The following RAB40C variants were observed in gnomAD, a reference collection of about 807,000 sequenced individuals.
RAB40C encodes the protein ras-related protein Rab-40C.
A neutral mutation model predicts 28.1 loss-of-function variants in RAB40C; 8 were observed. The ratio of observed to expected loss-of-function variants is 0.28; its 90% CI spans 0.17 to 0.51. The LOEUF (loss-of-function observed/expected upper bound fraction) is 0.51, where lower values mean the gene tolerates loss of function less well. Among genes scored for constraint, RAB40C ranks in the 20% least tolerant of loss-of-function variants. The probability of loss-of-function intolerance (pLI) is 0.97; values close to 1 mark genes in which losing one functional copy is unlikely to be tolerated. For missense variants in RAB40C, 288 were observed against 405.9 expected (o/e 0.71, Z 2.50); for synonymous variants, 201 against 171.7 (o/e 1.17, Z -1.34).
At chr16:600,403 A>C (rs2036224129) in intron 1 of RAB40C, among the ~76,000 whole-genome samples, 1 of 152,228 alleles carries the variant, frequency 6.6e-6, no homozygotes, top group Non-Finnish European at 1.5e-5. Flanking sequence ...AAGTAATAGA[A>C]ATGGATGTCA....
intron 1 of RAB40C, among the ~76,000 whole-genome samples, chr16:591,110 T>A (rs2035986662): frequency 6.7e-6 from 1 of 148,206 alleles, no homozygotes; most frequent in South Asian, 2.2e-4. Flanking sequence ...TCTGGGATCA[T>A]CTGGGGTCCG....
chr16:624,841 G>A, intron 3 of RAB40C: 1 of 985,478 alleles, frequency 1.0e-6, no homozygotes, highest in South Asian at 4.7e-5. Flanking sequence ...GACTGTCACT[G>A]CCGAGATATT....
At chr16:602,800 G>A (rs1301439724) in intron 1 of RAB40C, among the ~76,000 whole-genome samples, 1 of 152,108 alleles carries the variant, frequency 6.6e-6, no homozygotes, top group African/African-American at 2.4e-5. Context: ...GAACTCCTGG[G>A]CTCAAGTGAT....
At chr16:592,660 C>T (rs1485774441) in intron 1 of RAB40C, among the ~76,000 whole-genome samples, 1 of 152,226 alleles carries the variant, frequency 6.6e-6, no homozygotes, top group African/African-American at 2.4e-5. Flanking sequence ...AGGGGCGCTG[C>T]GCACTCCCAG....
At chr16:594,049 G>A (rs1412889143) in intron 1 of RAB40C, among the ~76,000 whole-genome samples, 4 of 152,166 alleles carry the variant, frequency 2.6e-5, no homozygotes, top group African/African-American at 7.2e-5. Flanking sequence ...GGAACCACCC[G>A]CACAGGGTGC....
At chr16:598,927 G>A (rs550807264) in intron 1 of RAB40C, among the ~76,000 whole-genome samples, 1 of 152,336 alleles carries the variant, frequency 6.6e-6, no homozygotes, top group East Asian at 1.9e-4. Flanking sequence ...TAACCCGGTG[G>A]GAGCCTGTGT....
chr16:614,035 A>G lies in RAB40C; in HGVS notation c.143-3173A>G, dbSNP rs369049465. The stretch of plus-strand genomic sequence containing the variant: ...TCCAGATGGTGAACTGCCTAACTCT[A>G]CCGCGTCCCGATGGTGAACTGCTAA... On this transcript the variant is annotated intron_variant, in intron 1 of 5. Coordinates refer to ENST00000248139, the MANE Select transcript of RAB40C (RefSeq NM_021168.5). Among the ~76,000 whole-genome samples, 61 of 152,108 alleles carry G rather than the reference A, an allele frequency of 4.0e-4. No individual in the cohort carries two copies. In the East Asian group the frequency reaches 0.011, roughly 27 times the overall value.
chr16:623,501 A>G lies in RAB40C; in HGVS notation c.265-1931A>G, dbSNP rs886485194. Among the ~76,000 whole-genome samples the G allele has an allele frequency of 2.0e-5, 3 of 152,104 alleles. No homozygotes were observed. The South Asian group carries it at 6.2e-4, about 32-fold the overall frequency. ...TGTCTCTACTAAAAAAAAATACAAA[A>G]AAATTAGCCGGGCATGGTGGCGGGC... is the stretch of plus-strand genomic sequence containing the variant. On this transcript the variant is annotated intron_variant, in intron 3 of 5. Transcript: ENST00000248139.
chr16:602,673 T>C (rs2151065235), intron 1 of RAB40C, among the ~76,000 whole-genome samples: 1 of 152,250 alleles, frequency 6.6e-6, no homozygotes, highest in East Asian at 1.9e-4. Flanking sequence ...CCTCAAGTGA[T>C]CCACCCACCT....
chr16:616,601 G>A (rs1444570304), intron 1 of RAB40C: 1 of 152,466 alleles, frequency 6.6e-6, no homozygotes, highest in Admixed American at 6.5e-5. Context: ...GCCTCCCAAA[G>A]TGCTGGGATT....
intron 1 of RAB40C, among the ~76,000 whole-genome samples, chr16:591,216 C>G (rs1239138397): frequency 7.1e-6 from 1 of 140,206 alleles, no homozygotes; most frequent in African/African-American, 2.8e-5. Flanking sequence ...GGTCTGGGAT[C>G]TCAGGGGAAG....
chr16:625,248 G>C (rs2036804123), intron 3 of RAB40C, 184 bp from the exon 4 acceptor site: 2 of 1,450,716 alleles, frequency 1.4e-6, no homozygotes, highest in African/African-American at 2.8e-5. Flanking sequence ...GCCAGGTGAG[G>C]GCAGGGGTGA....
At chr16:625,024 TG>T in intron 3 of RAB40C, 5 of 1,291,496 alleles carry the variant, frequency 3.9e-6, no homozygotes, top group Non-Finnish European at 5.0e-6. Context: ...AACTCAGAAA[TG>T]CCCCCACTCA....
At chr16:625,154 T>C (rs909154209) in intron 3 of RAB40C, 1 of 1,372,622 alleles carries the variant, frequency 7.3e-7, no homozygotes, top group African/African-American at 1.5e-5. Context: ...CCAGGAAACT[T>C]CCACAGGCTG....
In RAB40C at chr16:627,579, GC is replaced by G; in HGVS notation, c.811del (p.Gln271ArgfsTer58). The G allele has an allele frequency of 6.2e-7, 1 of 1,608,308 alleles. No individual in the cohort carries two copies. The highest frequency in any genetic ancestry group is 8.5e-7 in the Non-Finnish European group (1 of 1,176,660). On this transcript the variant is annotated frameshift_variant, in exon 6 of 6. Coordinates refer to ENST00000248139, the MANE Select transcript of RAB40C (RefSeq NM_021168.5). LOFTEE classifies it high-confidence loss of function. ...KRSKSIRPPQ[S>X]PPQNCSRSNC... Reference sequence around the variant, plus strand: ...TCCAAGTCCATCCGTCCACCCCAGAGCCCCCCCCAGAACTGCTCGCGGAGTA... The same window carrying G: ...TCCAAGTCCATCCGTCCACCCCAGAGCCCCCCCAGAACTGCTCGCGGAGTA...
chr16:594,815 T>C (rs2036076415), intron 1 of RAB40C, among the ~76,000 whole-genome samples: 1 of 141,288 alleles, frequency 7.1e-6, no homozygotes, highest in Non-Finnish European at 1.6e-5. Context: ...TTTGCTCGTC[T>C]TCCTTTTTTT....
intron 3 of RAB40C, chr16:624,065 A>G (rs1211588189): frequency 2.0e-6 from 2 of 985,274 alleles, no homozygotes; most frequent in Non-Finnish European, 2.4e-6. Flanking sequence ...TGCACGGTAC[A>G]TTTCACTGCC....
At chr16:613,252 G>A (rs1245367360) in intron 1 of RAB40C, among the ~76,000 whole-genome samples, 2 of 149,704 alleles carry the variant, frequency 1.3e-5, no homozygotes, top group Non-Finnish European at 3.0e-5. Flanking sequence ...AGGGACAGCC[G>A]CCCTGGCCTG....
intron 1 of RAB40C, among the ~76,000 whole-genome samples, chr16:604,673 G>A (rs1316439057): frequency 1.3e-5 from 2 of 152,202 alleles, no homozygotes; most frequent in Non-Finnish European, 2.9e-5. Context: ...ATCTAAGAGT[G>A]GAATTGCTGT....
Sources: gnomAD v4.1 joint callset for allele counts (sites outside exome capture counted in the v4.1 genomes callset) on GRCh38, gnomAD v4.1.1 for gene constraint, MANE v1.5 for transcripts, NCBI Gene and HGNC (gene_info 2026-07-23, HGNC 2026-07-21) for gene names.